Variants in RGS7 observed in about 807,000 individuals in gnomAD.
RGS7 encodes the protein regulator of G protein signaling 7, also known as regulator of G-protein signaling 7.
RGS7 carries 27 observed loss-of-function variants against 81.1 expected under a neutral mutation model. The observed-to-expected ratio is 0.33, with a 90% CI of 0.25 to 0.46. RGS7 has a LOEUF of 0.46. Among genes scored for constraint, RGS7 ranks in the 20% least tolerant of loss-of-function variants. RGS7 has a pLI of 1.00. For missense variants in RGS7, 396 were observed against 607.4 expected (o/e 0.65, Z 3.66); for synonymous variants, 208 against 207.7 (o/e 1.00, Z -0.01).
chr1:241,275,438 G>A (rs570451285), intron 2 of RGS7, among the ~76,000 whole-genome samples: 4 of 152,256 alleles, frequency 2.6e-5, no homozygotes, highest in South Asian at 2.1e-4. Flanking sequence ...TTGTTTAGAC[G>A]TTCTTAGACT....
At chr1:241,321,653 G>A (rs1573663700) in intron 2 of RGS7, among the ~76,000 whole-genome samples, 1 of 152,044 alleles carries the variant, frequency 6.6e-6, no homozygotes, top group Non-Finnish European at 1.5e-5. Context: ...TTATGTCTGA[G>A]AATTAAGACA....
rs1022847548 is a variant in RGS7 at position 241,302,795 on chromosome 1, A to G, written c.78+52904T>C. On this transcript the variant is annotated intron_variant, in intron 2 of 18. Coordinates refer to ENST00000440928, the MANE Select transcript of RGS7 (RefSeq NM_001364886.1). Reference sequence around the variant, plus strand: ...CCTACCCTCACCCCAAATCATTTTGAAGAAATCTTCTGACGTCATGTCTTT... The same window carrying G: ...CCTACCCTCACCCCAAATCATTTTGGAGAAATCTTCTGACGTCATGTCTTT... Among the ~76,000 whole-genome samples the G allele has an allele frequency of 2.0e-5, 3 of 152,174 alleles. No homozygotes were observed. The South Asian group carries it at 6.2e-4, about 31-fold the overall frequency.
intron 4 of RGS7, among the ~76,000 whole-genome samples, chr1:240,971,644 A>G (rs1683225229): frequency 6.6e-6 from 1 of 152,192 alleles, no homozygotes; most frequent in African/African-American, 2.4e-5. Context: ...TGTTTGGGTA[A>G]TATCTATTAT....
intron 2 of RGS7, among the ~76,000 whole-genome samples, chr1:241,281,264 A>G (rs1351070427): frequency 6.6e-6 from 1 of 152,214 alleles, no homozygotes; most frequent in Non-Finnish European, 1.5e-5. Context: ...GTATTAAATT[A>G]TAATTGCATA....
In RGS7 at chr1:240,925,989, T is replaced by C. The variant is rs1324244130; in HGVS notation, c.385+4728A>G. ...TAACGGGATTGTTTCTTGCTTGTTGTATTGTTTAAGTTCCTTATAGATTTT... is the reference window on the plus strand; with the variant it reads ...TAACGGGATTGTTTCTTGCTTGTTGCATTGTTTAAGTTCCTTATAGATTTT... On this transcript the variant is annotated intron_variant, in intron 6 of 18. Transcript: ENST00000440928. 2.6e-5 allele frequency among the ~76,000 whole-genome samples: 4 copies of C among 152,260 alleles called. No homozygotes were observed. The East Asian group carries it at 5.8e-4, about 22-fold the overall frequency.
At chr1:240,866,510 CAA>C (rs35934752) in intron 9 of RGS7, among the ~76,000 whole-genome samples, 34 of 107,410 alleles carry the variant, frequency 3.2e-4, no homozygotes, top group Admixed American at 5.1e-4. Context: ...GACTCCGTCT[CAA>C]AAAAAAAAAA....
At chr1:240,890,274 T>C (rs261811) in intron 6 of RGS7, among the ~76,000 whole-genome samples, 57,606 of 152,012 alleles carry the variant, frequency 0.38, 11,305 homozygotes, top group East Asian at 0.51. Flanking sequence ...TGCCTCAGCC[T>C]CCTGAGTAGC....
intron 6 of RGS7, among the ~76,000 whole-genome samples, chr1:240,907,859 A>G (rs1671079848): frequency 6.6e-6 from 1 of 152,148 alleles, no homozygotes; most frequent in South Asian, 2.1e-4. Flanking sequence ...TAACCGCTAG[A>G]CTTGAGAGAA....
intron 10 of RGS7, among the ~76,000 whole-genome samples, chr1:240,817,670 T>C (rs1360270715): frequency 1.3e-5 from 2 of 152,182 alleles, no homozygotes; most frequent in Non-Finnish European, 2.9e-5. Flanking sequence ...TGGCGTAATC[T>C]TGGCTCACCG....
chr1:240,931,572 C>T (rs775380570), intron 5 of RGS7, among the ~76,000 whole-genome samples: 5 of 151,570 alleles, frequency 3.3e-5, no homozygotes, highest in Non-Finnish European at 7.4e-5. Flanking sequence ...TATGTACCCA[C>T]AAAAATTAAA....
At chr1:240,784,506 C>T (rs370718555) in intron 18 of RGS7, among the ~76,000 whole-genome samples, 6 of 149,470 alleles carry the variant, frequency 4.0e-5, no homozygotes, top group East Asian at 2.0e-4. Context: ...ATTAGCCGGG[C>T]GTGGTGGCGG....
chr1:240,886,004 T>C, intron 6 of RGS7, among the ~76,000 whole-genome samples: 1 of 152,222 alleles, frequency 6.6e-6, no homozygotes, highest in Non-Finnish European at 1.5e-5. Flanking sequence ...TTATTTGCTC[T>C]TTTGCTTATC....
At chr1:241,178,874 C>T (rs1000676538) in intron 2 of RGS7, among the ~76,000 whole-genome samples, 10 of 152,116 alleles carry the variant, frequency 6.6e-5, no homozygotes, top group African/African-American at 2.4e-4. Flanking sequence ...GTTATAGATC[C>T]TATTGTAAGA....
intron 2 of RGS7, among the ~76,000 whole-genome samples, chr1:241,301,563 A>G (rs1339962108): frequency 2.0e-5 from 3 of 152,246 alleles, no homozygotes; most frequent in Non-Finnish European, 4.4e-5. Context: ...TTGCTGAAGG[A>G]CAATGGGGAA....
At chr1:241,199,796 T>G (rs1469782944) in intron 2 of RGS7, among the ~76,000 whole-genome samples, 3 of 152,134 alleles carry the variant, frequency 2.0e-5, no homozygotes, top group Non-Finnish European at 2.9e-5. Context: ...TGACAACTAG[T>G]CAGTGTCAGG....
chr1:240,826,287 T>G (rs530289813), intron 10 of RGS7, among the ~76,000 whole-genome samples: 1 of 152,200 alleles, frequency 6.6e-6, no homozygotes, highest in Non-Finnish European at 1.5e-5. Context: ...TGGACCATAT[T>G]GGGGCCTTTG....
chr1:241,034,867 C>T (rs1278795851), intron 3 of RGS7, among the ~76,000 whole-genome samples: 1 of 152,184 alleles, frequency 6.6e-6, no homozygotes, highest in Non-Finnish European at 1.5e-5. Flanking sequence ...ATGAATATCA[C>T]ATTGTTGATA....
At chr1:241,159,106 ATG>A (rs1456066960) in intron 2 of RGS7, among the ~76,000 whole-genome samples, 1 of 152,204 alleles carries the variant, frequency 6.6e-6, no homozygotes, top group Non-Finnish European at 1.5e-5. Flanking sequence ...GGAATAATAA[ATG>A]TTTTTTATCT....
intron 2 of RGS7, among the ~76,000 whole-genome samples, chr1:241,311,021 C>G (rs942949549): frequency 5.3e-5 from 8 of 152,140 alleles, no homozygotes; most frequent in Non-Finnish European, 1.0e-4. Flanking sequence ...TTTTGACCAA[C>G]AAGGTTTTCA....
Sources: gnomAD v4.1 joint callset for allele counts (sites outside exome capture counted in the v4.1 genomes callset) on GRCh38, gnomAD v4.1.1 for gene constraint, MANE v1.5 for transcripts, NCBI Gene and HGNC (gene_info 2026-07-23, HGNC 2026-07-21) for gene names.